ROBO2: variants seen among roughly 807,000 people sequenced by gnomAD.
The protein encoded by ROBO2 is roundabout homolog 2.
In ROBO2, 53 loss-of-function variants were observed where a neutral mutation model predicts 160.8. The observed-to-expected ratio is 0.33, with a 90% CI of 0.26 to 0.41. ROBO2 has a LOEUF of 0.41. Ranked by LOEUF, ROBO2 falls within the 10% of genes least tolerant of loss-of-function variation. The probability of loss-of-function intolerance (pLI) is 1.00; values close to 1 mark genes in which losing one functional copy is unlikely to be tolerated. For synonymous variants in ROBO2, 664 were observed against 611.7 expected, an observed-to-expected ratio of 1.09 and a Z score of -1.26; for missense variants, 1,577 against 1,722.4, an observed-to-expected ratio of 0.92 and a Z score of 1.49.
At chr3:76,231,517 T>C (rs1704620420) in intron 2 of ROBO2, among the ~76,000 whole-genome samples, 1 of 152,204 alleles carries the variant, frequency 6.6e-6, no homozygotes, top group South Asian at 2.1e-4. Flanking sequence ...ACTCCTCTTC[T>C]GAAATTGCCC....
At chr3:76,892,177 TTCTGTGTCAC>T (rs1250226284) in intron 2 of ROBO2, among the ~76,000 whole-genome samples, 24 of 152,004 alleles carry the variant, frequency 1.6e-4, no homozygotes, top group Non-Finnish European at 3.2e-4. Flanking sequence ...GCATGCCGAA[TTCTGTGTCAC>T]TCAGTGGTTC....
At chr3:77,555,888 C>G (rs1488547115) in intron 8 of ROBO2, among the ~76,000 whole-genome samples, 1 of 151,538 alleles carries the variant, frequency 6.6e-6, no homozygotes, top group Non-Finnish European at 1.5e-5. Context: ...TTATGTCTGG[C>G]CAGGAGATTT....
chr3:77,617,533 G>A, exon 22 of ROBO2: 1 of 1,614,116 alleles, frequency 6.2e-7, no homozygotes, highest in Non-Finnish European at 8.5e-7. Context: ...GATAGCTGGT[G>A]CCCACCATTG....
intron 2 of ROBO2, among the ~76,000 whole-genome samples, chr3:76,953,753 C>T (rs893402826): frequency 1.3e-5 from 2 of 152,138 alleles, no homozygotes; most frequent in African/African-American, 2.4e-5. Flanking sequence ...GAAGCAAGCA[C>T]GCGCACACAC....
intron 2 of ROBO2, among the ~76,000 whole-genome samples, chr3:76,023,014 A>G (rs2066620390): frequency 6.6e-6 from 1 of 151,794 alleles, no homozygotes; most frequent in Non-Finnish European, 1.5e-5. Flanking sequence ...ATATCAGCAC[A>G]CACTAGTTCA....
chr3:77,203,008 A>T (rs1035045671), intron 2 of ROBO2, among the ~76,000 whole-genome samples: 1 of 152,338 alleles, frequency 6.6e-6, no homozygotes, highest in Admixed American at 6.5e-5. Flanking sequence ...ACAGGAATGT[A>T]GCTGGATTGG....
chr3:77,176,333 T>C (rs1389058752), intron 2 of ROBO2, among the ~76,000 whole-genome samples: 2 of 152,052 alleles, frequency 1.3e-5, no homozygotes, highest in Non-Finnish European at 2.9e-5. Context: ...AATGAGTCAG[T>C]GAAAATACTC....
At chr3:77,508,355 A>G (rs951472138) in intron 5 of ROBO2, among the ~76,000 whole-genome samples, 1 of 139,562 alleles carries the variant, frequency 7.2e-6, no homozygotes, top group Non-Finnish European at 1.5e-5. Context: ...TATAAAACAT[A>G]TATTATTATA....
At chr3:77,533,896 T>C (rs536607933) in intron 6 of ROBO2, among the ~76,000 whole-genome samples, 2 of 151,512 alleles carry the variant, frequency 1.3e-5, no homozygotes, top group East Asian at 3.9e-4. Context: ...TTTTTTTTTT[T>C]CTTTCTGTCA....
intron 5 of ROBO2, among the ~76,000 whole-genome samples, chr3:77,497,903 A>G (rs1318284750): frequency 3.9e-5 from 6 of 152,176 alleles, no homozygotes; most frequent in African/African-American, 1.4e-4. Flanking sequence ...AAGAAACAGT[A>G]TAATACATTT....
At chr3:77,088,161 G>C (rs2069608711) in intron 1 of ROBO2, among the ~76,000 whole-genome samples, 1 of 152,100 alleles carries the variant, frequency 6.6e-6, no homozygotes, top group Non-Finnish European at 1.5e-5. Flanking sequence ...GAAAAAACAG[G>C]GGAAAAAGTG....
At chr3:76,420,418 C>A (rs577413887) in intron 2 of ROBO2, among the ~76,000 whole-genome samples, 1 of 152,180 alleles carries the variant, frequency 6.6e-6, no homozygotes, top group Non-Finnish European at 1.5e-5. Flanking sequence ...TAAATGATGA[C>A]GTGTTAAAAT....
At chr3:76,600,797 C>A (rs912841192) in intron 2 of ROBO2, among the ~76,000 whole-genome samples, 8 of 152,158 alleles carry the variant, frequency 5.3e-5, no homozygotes, top group Non-Finnish European at 2.9e-5. Context: ...CATTTCAAAA[C>A]CCATCATGCC....
At chr3:76,199,950 C>G (rs1459171207) in intron 2 of ROBO2, among the ~76,000 whole-genome samples, 1 of 152,146 alleles carries the variant, frequency 6.6e-6, no homozygotes, top group Admixed American at 6.6e-5. Flanking sequence ...ATAGCAAACT[C>G]TAAATACTTA....
chr3:77,227,668 C>T (rs1158629830), intron 2 of ROBO2, among the ~76,000 whole-genome samples: 1 of 152,146 alleles, frequency 6.6e-6, no homozygotes, highest in Non-Finnish European at 1.5e-5. Flanking sequence ...CAAGTGAAAA[C>T]TTGTTTGTAT....
chr3:77,434,664 C>T (rs752004291), intron 2 of ROBO2, among the ~76,000 whole-genome samples: 1 of 152,078 alleles, frequency 6.6e-6, no homozygotes, highest in Non-Finnish European at 1.5e-5. Flanking sequence ...CTTATTTGCT[C>T]TCCTGGTTCC....
intron 2 of ROBO2, among the ~76,000 whole-genome samples, chr3:77,312,209 C>A (rs1043798986): frequency 2.0e-5 from 3 of 152,146 alleles, no homozygotes; most frequent in Non-Finnish European, 4.4e-5. Context: ...ATGTCTGACA[C>A]CAGATACTAC....
intron 2 of ROBO2, among the ~76,000 whole-genome samples, chr3:76,904,758 G>A (rs1267100478): frequency 1.3e-5 from 2 of 152,074 alleles, no homozygotes; most frequent in Non-Finnish European, 2.9e-5. Context: ...CCATAAATGT[G>A]AGCCTTTCCC....
chr3:76,869,341 TG>T (rs1204208441), intron 2 of ROBO2, among the ~76,000 whole-genome samples: 9,359 of 120,242 alleles, frequency 0.078, 383 homozygotes, highest in South Asian at 0.09. Flanking sequence ...TAGAAATTGA[TG>T]TTTTTTTTTT....
Sources: gnomAD v4.1 joint callset for allele counts (sites outside exome capture counted in the v4.1 genomes callset) on GRCh38, gnomAD v4.1.1 for gene constraint, MANE v1.5 for transcripts, NCBI Gene and HGNC (gene_info 2026-07-23, HGNC 2026-07-21) for gene names.